The following CHD7 variants were observed in gnomAD, a reference collection of about 807,000 sequenced individuals.
CHD7 encodes chromodomain helicase DNA binding protein 7, also known as ATP-dependent chromatin remodeler CHD7.
A neutral mutation model predicts 307.3 loss-of-function variants in CHD7; 24 were observed. That is an observed-to-expected ratio of 0.08 (90% CI 0.06 to 0.11). The LOEUF (loss-of-function observed/expected upper bound fraction) is 0.11. CHD7 is among the 10% of genes least tolerant of loss of function. CHD7 has a pLI of 1.00. For synonymous variants in CHD7, 1,363 were observed against 1,349.9 expected (o/e 1.01, Z -0.21); for missense variants, 3,106 against 3,727.1 (o/e 0.83, Z 4.34).
rs190554333 is a variant in CHD7 at position 60,833,435 on chromosome 8, G to T, written c.3779-2638G>T. Among the ~76,000 whole-genome samples the T allele has an allele frequency of 5.3e-5, 8 of 152,346 alleles. No homozygotes were observed. In the East Asian group the frequency reaches 1.5e-3, roughly 29 times the overall value. ...GGTTATTGTTTGAGGCAGGAGGCGTGTAGAGGAAGAGTGGGCAAAAAGAAA... is the reference window on the plus strand; with the variant it reads ...GGTTATTGTTTGAGGCAGGAGGCGTTTAGAGGAAGAGTGGGCAAAAAGAAA... On this transcript the variant is annotated intron_variant, in intron 15 of 37. Transcript: ENST00000423902.
chr8:60,692,922 G>A (rs1022288196), intron 1 of CHD7, among the ~76,000 whole-genome samples: 8 of 151,994 alleles, frequency 5.3e-5, no homozygotes, highest in South Asian at 2.1e-4. Context: ...CTTATTTCTC[G>A]TATCTCCCCC....
chr8:60,831,449 A>C (rs139470384), intron 15 of CHD7, among the ~76,000 whole-genome samples: 6 of 152,106 alleles, frequency 3.9e-5, no homozygotes, highest in Non-Finnish European at 7.4e-5. Context: ...TAAAAGGCAC[A>C]CATAAGAAAT....
intron 6 of CHD7, 107 bp downstream of exon 6, chr8:60,801,700 C>G (rs1175436291): frequency 4.2e-6 from 3 of 714,912 alleles, no homozygotes; most frequent in South Asian, 1.9e-5. Context: ...AATAAAACTT[C>G]CAGTAATATT....
At chr8:60,816,634 G>C in intron 8 of CHD7, 133 bp downstream of exon 8, 1 of 600,646 alleles carries the variant, frequency 1.7e-6, no homozygotes, top group Non-Finnish European at 2.9e-6. Context: ...TTGGTAACTG[G>C]TTCTTGCTAA....
intron 26 of CHD7, 182 bp from the exon 27 acceptor site, chr8:60,850,850 C>T (rs1805420567): frequency 4.4e-6 from 3 of 684,656 alleles, no homozygotes; most frequent in African/African-American, 1.8e-5. Flanking sequence ...CCCGCAATCT[C>T]CCCAGACCCC....
At chr8:60,710,559 A>G (rs1316658024) in intron 1 of CHD7, among the ~76,000 whole-genome samples, 3 of 152,200 alleles carry the variant, frequency 2.0e-5, no homozygotes, top group African/African-American at 7.2e-5. Context: ...ATTCATTTTT[A>G]TCTGCTTTCC....
chr8:60,763,601 G>A (rs894143425), intron 2 of CHD7, among the ~76,000 whole-genome samples: 6 of 152,156 alleles, frequency 3.9e-5, no homozygotes, highest in Non-Finnish European at 8.8e-5. Flanking sequence ...CAGGAATAAA[G>A]GGGCAGGAAG....
Position 60,841,992 on chromosome 8 carries a change from A to G in CHD7, c.4790A>G (p.Lys1597Arg), listed in dbSNP as rs1317419491. The change falls in exon 21 of 38, where the codon AAG (lysine) becomes AGG (arginine). Residue 1597 changes from lysine to arginine, a missense_variant. This residue lies in a region of CHD7 where 122 missense variants were observed against 124.5 expected (regional missense o/e 0.98). Transcript: ENST00000423902. ...GCAAAGCCACGGCGTCCCCAGGATA[A>G]GTCACAGGGCTATGCAAGGAGTGAA... is the stretch of plus-strand genomic sequence containing the variant. ...PCAKPRRPQD[K>R]SQGYARSECF... The G allele has an allele frequency of 1.2e-6, 2 of 1,613,944 alleles. No individual in the cohort carries two copies. The highest frequency in any genetic ancestry group is 1.7e-6 in the Non-Finnish European group (2 of 1,179,858).
At chr8:60,773,680 A>G (rs191072231) in intron 2 of CHD7, among the ~76,000 whole-genome samples, 4 of 152,306 alleles carry the variant, frequency 2.6e-5, no homozygotes, top group Admixed American at 1.3e-4. Flanking sequence ...AGAGTTTTCA[A>G]GGCAGGGCAA....
chr8:60,719,790 C>T (rs1807808965), intron 1 of CHD7, among the ~76,000 whole-genome samples: 1 of 152,168 alleles, frequency 6.6e-6, no homozygotes, highest in Non-Finnish European at 1.5e-5. Flanking sequence ...CCCCACAGGT[C>T]TTCCTGCTTA....
intron 1 of CHD7, among the ~76,000 whole-genome samples, chr8:60,730,379 G>C (rs1313987134): frequency 1.3e-5 from 2 of 152,152 alleles, no homozygotes; most frequent in Non-Finnish European, 2.9e-5. Flanking sequence ...CATTTAATTT[G>C]GCTAAAAGAT....
intron 1 of CHD7, among the ~76,000 whole-genome samples, chr8:60,713,487 T>C (rs1351319084): frequency 6.6e-6 from 1 of 152,116 alleles, no homozygotes; most frequent in Non-Finnish European, 1.5e-5. Flanking sequence ...AGCTAGAATA[T>C]AGAGGGTGAT....
chr8:60,825,745 G>T (rs187755597), intron 13 of CHD7, among the ~76,000 whole-genome samples: 3 of 152,166 alleles, frequency 2.0e-5, no homozygotes, highest in Admixed American at 2.0e-4. Flanking sequence ...TAGTTCATGT[G>T]TTCCCAGATA....
intron 3 of CHD7, among the ~76,000 whole-genome samples, chr8:60,784,985 G>A (rs752348385): frequency 1.9e-4 from 29 of 151,632 alleles, no homozygotes; most frequent in African/African-American, 2.9e-4. Context: ...TCAAATATTC[G>A]TTGCTAATAT....
In CHD7 at chr8:60,866,230, T is replaced by C. The variant is rs1806238787; in HGVS notation, c.*297T>C. ...TTTTTTCTCTTGGTACCATTGGTAT[T>C]ATAATAAAGAGCAATTTGTAACTGA... On this transcript the variant is annotated 3_prime_UTR_variant, in exon 38 of 38. Coordinates refer to ENST00000423902, the MANE Select transcript of CHD7 (RefSeq NM_017780.4). 1 of 223,946 alleles carries C rather than the reference T, an allele frequency of 4.5e-6. No individual in the cohort carries two copies. Among genetic ancestry groups the C allele is most frequent in the Non-Finnish European group, 8.7e-6 (1 of 114,380 alleles). 13.9% of individuals were successfully genotyped at this position (223,946 alleles called of 1,614,324 possible).
At chr8:60,795,320 A>G (rs1287481596) in intron 4 of CHD7, among the ~76,000 whole-genome samples, 193 bp downstream of exon 4, 3 of 152,182 alleles carry the variant, frequency 2.0e-5, no homozygotes, top group Non-Finnish European at 4.4e-5. Context: ...TATACTCCTG[A>G]CAAGAGTGGC....
chr8:60,837,226 T>C (rs1030751783), intron 17 of CHD7, among the ~76,000 whole-genome samples: 2 of 152,224 alleles, frequency 1.3e-5, no homozygotes, highest in Non-Finnish European at 2.9e-5. Flanking sequence ...CCTCTATTTA[T>C]TGGCACATAG....
At chr8:60,824,296 A>G (rs2150753207) in intron 13 of CHD7, 1 of 425,518 alleles carries the variant, frequency 2.4e-6, no homozygotes, top group South Asian at 9.2e-5. Flanking sequence ...GTTCATAAAT[A>G]CAGGTTGATC....
At chr8:60,743,166 AT>A in intron 2 of CHD7, 69 bp downstream of exon 2, 1 of 1,355,148 alleles carries the variant, frequency 7.4e-7, no homozygotes. Flanking sequence ...GTCTGATCGA[AT>A]TTTTCTTTAA....
Sources: gnomAD v4.1 joint callset for allele counts (sites outside exome capture counted in the v4.1 genomes callset) on GRCh38, gnomAD v4.1.1 for gene constraint, gnomAD v4.1.1 regional missense constraint, MANE v1.5 for transcripts, NCBI Gene and HGNC (gene_info 2026-07-23, HGNC 2026-07-21) for gene names.